Variants in KHDRBS2 observed in about 807,000 individuals in gnomAD.
KHDRBS2 encodes KH RNA binding domain containing, signal transduction associated 2.
Under a neutral mutation model 44.3 loss-of-function variants are expected in KHDRBS2, and 26 were observed. The ratio of observed to expected loss-of-function variants is 0.59; its 90% CI spans 0.43 to 0.81. The LOEUF (loss-of-function observed/expected upper bound fraction) is 0.81, where lower values mean the gene tolerates loss of function less well. Ranked by LOEUF, KHDRBS2 falls within the 40% of genes least tolerant of loss-of-function variation. The pLI is 0.00. For synonymous variants in KHDRBS2, 194 were observed against 151.1 expected, an observed-to-expected ratio of 1.28 and a Z score of -2.08; for missense variants, 476 against 433.1, an observed-to-expected ratio of 1.10 and a Z score of -0.88.
intron 4 of KHDRBS2, among the ~76,000 whole-genome samples, chr6:61,906,029 G>A (rs1032719516): frequency 6.6e-6 from 1 of 151,824 alleles, no homozygotes; most frequent in Non-Finnish European, 1.5e-5. Context: ...TGTATTTTTA[G>A]TAGAGACGGG....
intron 6 of KHDRBS2, among the ~76,000 whole-genome samples, chr6:61,828,067 C>T (rs1181876243): frequency 2.0e-5 from 3 of 152,196 alleles, no homozygotes; most frequent in East Asian, 1.9e-4. Flanking sequence ...CACTGACATG[C>T]ATGTCTGATG....
the KHDRBS2 span, among the ~76,000 whole-genome samples, chr6:61,648,531 C>T: frequency 3.3e-5 from 5 of 152,136 alleles, no homozygotes; most frequent in Admixed American, 2.6e-4. Flanking sequence ...GTGTCAGGTG[C>T]TGTGCTAGAT....
the KHDRBS2 span, among the ~76,000 whole-genome samples, chr6:61,671,299 T>C: frequency 6.6e-6 from 1 of 151,672 alleles, no homozygotes; most frequent in African/African-American, 2.4e-5. Context: ...TGAAGCATCG[T>C]GGAACAGGAA....
chr6:61,743,593 T>C (rs1038469801), intron 6 of KHDRBS2, among the ~76,000 whole-genome samples: 48 of 152,126 alleles, frequency 3.2e-4, no homozygotes, highest in African/African-American at 1.1e-3. Context: ...TTGTATTATA[T>C]TTGTAAAAAT....
At chr6:61,670,936 C>T in the KHDRBS2 span, among the ~76,000 whole-genome samples, 1 of 151,570 alleles carries the variant, frequency 6.6e-6, no homozygotes, top group African/African-American at 2.4e-5. Flanking sequence ...ATAGATTGGA[C>T]ACTGCACTCT....
intron 1 of KHDRBS2, among the ~76,000 whole-genome samples, chr6:62,206,754 G>A (rs775568280): frequency 4.0e-5 from 6 of 151,852 alleles, no homozygotes; most frequent in Non-Finnish European, 5.9e-5. Flanking sequence ...TATAAGTCAC[G>A]TATATGTGTG....
At chr6:61,771,433 A>C (rs189459929) in intron 6 of KHDRBS2, among the ~76,000 whole-genome samples, 3 of 152,186 alleles carry the variant, frequency 2.0e-5, no homozygotes, top group African/African-American at 7.2e-5. Context: ...TGCTGTACTC[A>C]GGAAACCCAT....
intron 6 of KHDRBS2, among the ~76,000 whole-genome samples, chr6:61,826,644 C>T (rs183222874): frequency 5.3e-5 from 8 of 152,130 alleles, no homozygotes; most frequent in Admixed American, 2.6e-4. Flanking sequence ...AGGTAGTATT[C>T]GTTAATTAGT....
At chr6:62,086,930 C>G (rs1321528135) in intron 2 of KHDRBS2, among the ~76,000 whole-genome samples, 1 of 144,138 alleles carries the variant, frequency 6.9e-6, no homozygotes, top group Non-Finnish European at 1.5e-5. Context: ...TGGAGCAGAA[C>G]AGTGCAATAA....
At chr6:61,808,429 C>T (rs570639785) in intron 6 of KHDRBS2, among the ~76,000 whole-genome samples, 7 of 152,028 alleles carry the variant, frequency 4.6e-5, no homozygotes, top group African/African-American at 1.7e-4. Flanking sequence ...AGTTCTAGTT[C>T]CATTAAATAC....
chr6:62,231,793 TGGA>T (rs1291946335), intron 1 of KHDRBS2, among the ~76,000 whole-genome samples: 5 of 152,320 alleles, frequency 3.3e-5, no homozygotes, highest in African/African-American at 1.2e-4. Context: ...TTTCTTTCTC[TGGA>T]AGCATTTACT....
chr6:62,110,155 T>G (rs1804667249), intron 2 of KHDRBS2, among the ~76,000 whole-genome samples: 1 of 152,054 alleles, frequency 6.6e-6, no homozygotes, highest in Non-Finnish European at 1.5e-5. Flanking sequence ...CTAATAGAAT[T>G]GTTTACATTA....
chr6:62,161,500 A>G (rs1817611811), intron 2 of KHDRBS2, among the ~76,000 whole-genome samples: 1 of 142,710 alleles, frequency 7.0e-6, no homozygotes, highest in Non-Finnish European at 1.5e-5. Flanking sequence ...ATATGTGAGA[A>G]TTGCATAGGT....
At chr6:61,776,151 C>G (rs202020795) in intron 6 of KHDRBS2, among the ~76,000 whole-genome samples, 287 of 146,232 alleles carry the variant, frequency 2.0e-3, no homozygotes, top group Admixed American at 2.3e-3. Flanking sequence ...CAAGATGGAT[C>G]AAAGACTTAC....
At chr6:61,675,007 C>A (rs1265053799), downstream of KHDRBS2, among the ~76,000 whole-genome samples, 1 of 151,676 alleles carries the variant, frequency 6.6e-6, no homozygotes, top group Non-Finnish European at 1.5e-5. Context: ...GGGATGTCCA[C>A]CACCTTAAAT....
At chr6:61,788,701 T>A (rs1191114272) in intron 6 of KHDRBS2, among the ~76,000 whole-genome samples, 1 of 151,304 alleles carries the variant, frequency 6.6e-6, no homozygotes, top group Non-Finnish European at 1.5e-5. Flanking sequence ...TTTTCTTTTT[T>A]AAACTAGAAT....
intron 6 of KHDRBS2, among the ~76,000 whole-genome samples, chr6:61,788,054 T>C (rs900425483): frequency 1.3e-5 from 2 of 151,618 alleles, no homozygotes; most frequent in African/African-American, 4.8e-5. Context: ...TGGGAATAAT[T>C]TTTTAAGTGC....
chr6:62,142,079 C>T (rs1812943791), intron 2 of KHDRBS2, among the ~76,000 whole-genome samples: 2 of 151,924 alleles, frequency 1.3e-5, no homozygotes, highest in African/African-American at 2.4e-5. Flanking sequence ...CAACTCTATG[C>T]TTTTCTTCTG....
At chr6:61,712,335 T>G (rs1202469082) in intron 7 of KHDRBS2, among the ~76,000 whole-genome samples, 1 of 151,814 alleles carries the variant, frequency 6.6e-6, no homozygotes, top group African/African-American at 2.4e-5. Context: ...GGTTGGATAT[T>G]GACAGAGGGA....
Sources: gnomAD v4.1 joint callset for allele counts (sites outside exome capture counted in the v4.1 genomes callset) on GRCh38, gnomAD v4.1.1 for gene constraint, MANE v1.5 for transcripts, NCBI Gene and HGNC (gene_info 2026-07-23, HGNC 2026-07-21) for gene names.